The following HK2 variants were observed in gnomAD, a reference collection of about 807,000 sequenced individuals.
HK2 encodes hexokinase-2.
Under a neutral mutation model 92.9 loss-of-function variants are expected in HK2, and 42 were observed. The ratio of observed to expected loss-of-function variants is 0.45; its 90% confidence interval spans 0.35 to 0.58. The LOEUF is 0.58. Among genes scored for constraint, HK2 ranks in the 20% least tolerant of loss-of-function variants. HK2 has a pLI of 0.00. For missense variants in HK2, 978 were observed against 1,245.1 expected, an observed-to-expected ratio of 0.79 and a Z score of 3.23; for synonymous variants, 422 against 468.0, an observed-to-expected ratio of 0.90 and a Z score of 1.27.
chr2:74,872,255 G>T lies in HK2; in HGVS notation c.376-45G>T, dbSNP rs762287842. On this transcript the variant is annotated intron_variant, in intron 3 of 17. Coordinates refer to ENST00000290573, the MANE Select transcript of HK2 (RefSeq NM_000189.5). The stretch of plus-strand genomic sequence containing the variant: ...TGAAGTGCATGCCCTTAATCTCTAT[G>T]CTGTTCGACCTCTCTGCTCACCACC... The T allele has an allele frequency of 3.1e-6, 5 of 1,610,220 alleles. No homozygotes were observed. The South Asian group carries it at 5.5e-5, about 18-fold the overall frequency.
chr2:74,871,913 A>G (rs898647087), intron 3 of HK2, among the ~76,000 whole-genome samples: 1 of 152,156 alleles, frequency 6.6e-6, no homozygotes, highest in Non-Finnish European at 1.5e-5. Flanking sequence ...CTGGGCTTCC[A>G]TGTCAATGGG....
intron 1 of HK2, 116 bp from the exon 2 acceptor site, chr2:74,854,177 T>C: frequency 1.0e-6 from 1 of 988,920 alleles, no homozygotes; most frequent in Non-Finnish European, 1.6e-6. Flanking sequence ...TAATAATAAC[T>C]TTCTGTACAT....
chr2:74,893,220 A>G lies in HK2; in HGVS notation c.*2279A>G, dbSNP rs111313175. On this transcript the variant is annotated 3_prime_UTR_variant, in exon 18 of 18. Transcript: ENST00000290573. Reference sequence around the variant, plus strand: ...AGTGGATCTCAATCTTCGGGGTGTGATGAATAGCGAATCATCTCAAATCCT... The same window carrying G: ...AGTGGATCTCAATCTTCGGGGTGTGGTGAATAGCGAATCATCTCAAATCCT... The G allele has an allele frequency of 2.6e-5, 4 of 152,300 alleles. No individual in the cohort carries two copies. Among genetic ancestry groups the G allele is most frequent in the African/African-American group, 9.6e-5 (4 of 41,574 alleles). 9.4% of individuals were successfully genotyped at this position (152,300 alleles called of 1,614,324 possible). A position where few individuals can be genotyped will look rare whatever the true frequency, so the allele number is the denominator to read the frequency against.
intron 2 of HK2, among the ~76,000 whole-genome samples, chr2:74,863,571 C>T (rs780267171): frequency 3.3e-5 from 5 of 152,168 alleles, no homozygotes; most frequent in African/African-American, 9.7e-5. Flanking sequence ...ATGGAAAATA[C>T]GTGCCTTGAG....
intron 2 of HK2, among the ~76,000 whole-genome samples, chr2:74,860,466 T>C (rs1216897360): frequency 3.3e-5 from 5 of 152,244 alleles, no homozygotes; most frequent in African/African-American, 1.2e-4. Flanking sequence ...TTTCCACATA[T>C]GTGAGTTTTG....
intron 12 of HK2, among the ~76,000 whole-genome samples, chr2:74,884,638 T>C (rs1410595187): frequency 6.6e-6 from 1 of 152,184 alleles, no homozygotes; most frequent in Non-Finnish European, 1.5e-5. Flanking sequence ...CTGATGGGCA[T>C]GAATCCCTGA....
At chr2:74,858,126 C>G (rs1020152328) in intron 2 of HK2, among the ~76,000 whole-genome samples, 1 of 152,194 alleles carries the variant, frequency 6.6e-6, no homozygotes, top group Non-Finnish European at 1.5e-5. Context: ...CAGCAAGAAA[C>G]ACATGCATAT....
intron 12 of HK2, among the ~76,000 whole-genome samples, chr2:74,883,147 C>T (rs548058404): frequency 6.6e-6 from 1 of 152,256 alleles, no homozygotes; most frequent in East Asian, 1.9e-4. Context: ...GTCTCTGTCT[C>T]AGTCATGTAG....
chr2:74,872,084 T>G (rs1450183396), intron 3 of HK2, among the ~76,000 whole-genome samples: 1 of 152,214 alleles, frequency 6.6e-6, no homozygotes, highest in African/African-American at 2.4e-5. Context: ...AAACTAATGT[T>G]AAGCCTTTAT....
At chr2:74,850,700 C>G (rs1319134612) in intron 1 of HK2, among the ~76,000 whole-genome samples, 1 of 152,178 alleles carries the variant, frequency 6.6e-6, no homozygotes, top group Non-Finnish European at 1.5e-5. Flanking sequence ...TTGCATTCAT[C>G]TCCTTCTCAA....
chr2:74,880,240 T>G (rs1807090), intron 9 of HK2, 25 bp from the exon 10 acceptor site: 265,671 of 1,613,424 alleles, frequency 0.16, 22,961 homozygotes, highest in East Asian at 0.2. Flanking sequence ...GACACCTGTC[T>G]CTTACCCGCC....
At chr2:74,875,628 C>T (rs1689211445) in intron 7 of HK2, among the ~76,000 whole-genome samples, 1 of 152,098 alleles carries the variant, frequency 6.6e-6, no homozygotes, top group Non-Finnish European at 1.5e-5. Context: ...CGCGCCCGGC[C>T]TGAGAGTCCT....
intron 2 of HK2, among the ~76,000 whole-genome samples, chr2:74,863,519 G>A (rs1688880495): frequency 6.6e-6 from 1 of 152,178 alleles, no homozygotes; most frequent in Non-Finnish European, 1.5e-5. Flanking sequence ...GGTTTAAAAA[G>A]AGGCTGCCAG....
intron 2 of HK2, among the ~76,000 whole-genome samples, chr2:74,857,202 C>T (rs137940206): frequency 5.8e-4 from 89 of 152,356 alleles, no homozygotes; most frequent in African/African-American, 2.0e-3. Context: ...CACCTCCATA[C>T]TCTCTGGGAC....
chr2:74,893,118 A>T lies in HK2; in HGVS notation c.*2177A>T, dbSNP rs1297861049. The T allele has an allele frequency of 6.6e-6, 1 of 152,034 alleles. No individual in the cohort carries two copies. The highest frequency in any genetic ancestry group is 1.5e-5 in the Non-Finnish European group (1 of 68,010). 9.4% of individuals were successfully genotyped at this position (152,034 alleles called of 1,614,324 possible). A position where few individuals can be genotyped will look rare whatever the true frequency, so the allele number is the denominator to read the frequency against. On this transcript the variant is annotated 3_prime_UTR_variant, in exon 18 of 18. Transcript: ENST00000290573. ...TGGTTTCCAAAAAGGAACACTGGAA[A>T]ATAAATTTTGAATGTTTATGTTCTC... is the stretch of plus-strand genomic sequence containing the variant.
intron 2 of HK2, among the ~76,000 whole-genome samples, chr2:74,856,702 A>G (rs1688704437): frequency 6.6e-6 from 1 of 152,236 alleles, no homozygotes; most frequent in African/African-American, 2.4e-5. Context: ...CACAATTTTT[A>G]GATGAGGAAT....
At chr2:74,883,914 TG>T (rs1351278298) in intron 12 of HK2, among the ~76,000 whole-genome samples, 6 of 152,220 alleles carry the variant, frequency 3.9e-5, no homozygotes, top group Admixed American at 2.0e-4. Context: ...TTTAATCACA[TG>T]AAAAATTACT....
chr2:74,857,125 C>T (rs943323800), intron 2 of HK2, among the ~76,000 whole-genome samples: 1 of 152,172 alleles, frequency 6.6e-6, no homozygotes, highest in African/African-American at 2.4e-5. Context: ...TAATGGAGAC[C>T]AGATTGCAGG....
chr2:74,843,827 ACTTCCT>A (rs1403651792), intron 1 of HK2, among the ~76,000 whole-genome samples: 2 of 152,050 alleles, frequency 1.3e-5, no homozygotes, highest in African/African-American at 4.8e-5. Context: ...CATTTGAGGG[ACTTCCT>A]CTTCCTGCTT....
Sources: allele counts gnomAD v4.1 joint callset (sites outside exome capture counted in the v4.1 genomes callset), GRCh38; gene constraint gnomAD v4.1.1; transcripts MANE v1.5; gene names NCBI Gene and HGNC (gene_info 2026-07-23, HGNC 2026-07-21).